The following EPB41L2 variants were observed in gnomAD, a reference collection of about 807,000 sequenced individuals.
The protein encoded by EPB41L2 is erythrocyte membrane protein band 4.1 like 2, also known as band 4.1-like protein 2.
EPB41L2 carries 43 observed loss-of-function variants against 113.0 expected under a neutral mutation model. The observed-to-expected ratio is 0.38, with a 90% CI of 0.30 to 0.49. EPB41L2 has a LOEUF of 0.49. Ranked by LOEUF, EPB41L2 falls within the 20% of genes least tolerant of loss-of-function variation. The pLI is 0.95. For missense variants in EPB41L2, 1,147 were observed against 1,223.4 expected (o/e 0.94, Z 0.93); for synonymous variants, 442 against 436.7 (o/e 1.01, Z -0.15).
chr6:130,952,379 C>A, intron 3 of EPB41L2, among the ~76,000 whole-genome samples: 1 of 98,424 alleles, frequency 1.0e-5, no homozygotes, highest in South Asian at 3.4e-4. Context: ...TTATAGTATA[C>A]AAAGAAACTG....
chr6:130,957,420 G>T (rs56091933), intron 1 of EPB41L2, among the ~76,000 whole-genome samples: 2,002 of 152,236 alleles, frequency 0.013, 42 homozygotes, highest in South Asian at 0.039. Context: ...GATCACATTC[G>T]CTCTCCCCTC....
intron 3 of EPB41L2, among the ~76,000 whole-genome samples, chr6:130,934,029 C>T (rs964517481): frequency 6.6e-6 from 1 of 152,180 alleles, no homozygotes; most frequent in Non-Finnish European, 1.5e-5. Context: ...CCAAACAACA[C>T]TATGCAAATA....
At chr6:130,965,556 A>T (rs1372993286) in intron 1 of EPB41L2, among the ~76,000 whole-genome samples, 4 of 152,184 alleles carry the variant, frequency 2.6e-5, no homozygotes, top group Non-Finnish European at 4.4e-5. Flanking sequence ...AAAAAATAAA[A>T]AACAAATTTT....
intron 4 of EPB41L2, among the ~76,000 whole-genome samples, chr6:130,920,886 C>T (rs4310079): frequency 2.6e-5 from 4 of 152,134 alleles, no homozygotes; most frequent in African/African-American, 7.2e-5. Flanking sequence ...AGCTTACAAA[C>T]GTGTCCAACT....
At chr6:130,895,370 T>A (rs1388302481) in intron 8 of EPB41L2, among the ~76,000 whole-genome samples, 1 of 152,136 alleles carries the variant, frequency 6.6e-6, no homozygotes, top group African/African-American at 2.4e-5. Context: ...ACAGTGTCCT[T>A]CAAAAGGCGT....
At chr6:131,023,728 T>C (rs906110065) in intron 1 of EPB41L2, among the ~76,000 whole-genome samples, 20 of 122,902 alleles carry the variant, frequency 1.6e-4, no homozygotes, top group African/African-American at 5.7e-4. Flanking sequence ...TGTGTGTGTG[T>C]GTATATATAT....
At chr6:130,959,439 T>C (rs574238447) in intron 1 of EPB41L2, among the ~76,000 whole-genome samples, 1 of 151,982 alleles carries the variant, frequency 6.6e-6, no homozygotes, top group South Asian at 2.1e-4. Context: ...CATCAACATA[T>C]AAGGTGAGGC....
chr6:130,996,329 C>G (rs1783090576), intron 1 of EPB41L2, among the ~76,000 whole-genome samples: 1 of 152,198 alleles, frequency 6.6e-6, no homozygotes, highest in Non-Finnish European at 1.5e-5. Context: ...GTACCTCTGC[C>G]CCAGATGACA....
At chr6:130,961,261 C>T (rs2128633246) in intron 1 of EPB41L2, among the ~76,000 whole-genome samples, 1 of 152,296 alleles carries the variant, frequency 6.6e-6, no homozygotes, top group Non-Finnish European at 1.5e-5. Flanking sequence ...ATTAGACAAG[C>T]ATGTGGTTTT....
intron 4 of EPB41L2, among the ~76,000 whole-genome samples, chr6:130,919,657 A>G (rs955530110): frequency 6.6e-6 from 1 of 152,208 alleles, no homozygotes; most frequent in Non-Finnish European, 1.5e-5. Flanking sequence ...TCTCATCAGC[A>G]ACTTCAGATT....
At chr6:131,009,384 C>T (rs947594687) in intron 1 of EPB41L2, among the ~76,000 whole-genome samples, 3 of 152,062 alleles carry the variant, frequency 2.0e-5, no homozygotes, top group Non-Finnish European at 4.4e-5. Context: ...TACCCAGTCT[C>T]GGGTATTTGT....
chr6:130,927,026 C>T (rs1804997257), intron 3 of EPB41L2, among the ~76,000 whole-genome samples: 2 of 152,160 alleles, frequency 1.3e-5, no homozygotes, highest in South Asian at 2.1e-4. Flanking sequence ...GTTCAAACTG[C>T]TTCCATCAAT....
chr6:130,940,752 A>G (rs1810547793), intron 3 of EPB41L2, among the ~76,000 whole-genome samples: 1 of 152,194 alleles, frequency 6.6e-6, no homozygotes, highest in Non-Finnish European at 1.5e-5. Context: ...TACAAGCATA[A>G]GCCAGCGTGC....
At chr6:130,954,961 T>C (rs1425010623) in intron 3 of EPB41L2, 144 bp downstream of exon 3, 271 of 728,710 alleles carry the variant, frequency 3.7e-4, no homozygotes, top group Non-Finnish European at 1.2e-4. Flanking sequence ...GTGACAGAAA[T>C]GATGACCCAC....
intron 1 of EPB41L2, among the ~76,000 whole-genome samples, chr6:131,029,891 TTC>T (rs200522004): frequency 9.6e-5 from 5 of 52,340 alleles, no homozygotes; most frequent in Non-Finnish European, 1.4e-4. Flanking sequence ...GGGAGGATTT[TTC>T]TCTTTTTTTC....
At chr6:130,853,296 C>T (rs1012899476) in intron 19 of EPB41L2, among the ~76,000 whole-genome samples, 3 of 152,182 alleles carry the variant, frequency 2.0e-5, no homozygotes, top group Non-Finnish European at 4.4e-5. Flanking sequence ...GTCAGAGAGG[C>T]TCCTGTGAAG....
chr6:130,966,309 A>C (rs1329051779), intron 1 of EPB41L2, among the ~76,000 whole-genome samples: 1 of 152,244 alleles, frequency 6.6e-6, no homozygotes, highest in African/African-American at 2.4e-5. Flanking sequence ...GTAAAGAGAA[A>C]AGATGAGAAA....
chr6:131,001,636 T>C (rs1784402362), intron 1 of EPB41L2, among the ~76,000 whole-genome samples: 3 of 152,116 alleles, frequency 2.0e-5, no homozygotes, highest in Admixed American at 6.5e-5. Context: ...GAACGAAAAG[T>C]ATAACCAACT....
intron 14 of EPB41L2, among the ~76,000 whole-genome samples, chr6:130,874,320 T>G (rs1260848055): frequency 3.9e-5 from 6 of 152,088 alleles, no homozygotes; most frequent in African/African-American, 1.4e-4. Flanking sequence ...AAAGCCCATA[T>G]TATAGAAATT....
Sources: gnomAD v4.1 joint callset for allele counts (sites outside exome capture counted in the v4.1 genomes callset) on GRCh38, gnomAD v4.1.1 for gene constraint, MANE v1.5 for transcripts, NCBI Gene and HGNC (gene_info 2026-07-23, HGNC 2026-07-21) for gene names.